ZNF69: variants seen among roughly 807,000 people sequenced by gnomAD.
ZNF69 encodes zinc finger protein 69.
Under a neutral mutation model 50.9 loss-of-function variants are expected in ZNF69, and 47 were observed. That is an observed-to-expected ratio of 0.92 (90% CI 0.73 to 1.18). The LOEUF (loss-of-function observed/expected upper bound fraction) is 1.18. Among genes scored for constraint, ZNF69 ranks in the 50% most tolerant of loss-of-function variants. The pLI is 0.00. For missense variants in ZNF69, 717 were observed against 675.1 expected (o/e 1.06, Z -0.69); for synonymous variants, 216 against 223.1 (o/e 0.97, Z 0.29).
the ZNF69 span, among the ~76,000 whole-genome samples, chr19:11,924,777 ACACTGAGTCTGAAATT>A: frequency 6.6e-6 from 1 of 152,080 alleles, no homozygotes; most frequent in African/African-American, 2.4e-5. Context: ...GCTCCTATGG[ACACTGAGTCTGAAATT>A]CCCTGCACAC....
chr19:11,942,630 G>A, the ZNF69 span, among the ~76,000 whole-genome samples: 82 of 152,312 alleles, frequency 5.4e-4, 1 homozygote, highest in South Asian at 1.5e-3. Flanking sequence ...TGAAAGGATC[G>A]TGATCAATTA....
chr19:11,895,890 G>A (rs550432600), intron 1 of ZNF69, among the ~76,000 whole-genome samples: 3 of 152,124 alleles, frequency 2.0e-5, no homozygotes, highest in East Asian at 3.9e-4. Flanking sequence ...TCATTGGCTG[G>A]CAATACCTGG....
the ZNF69 span, among the ~76,000 whole-genome samples, chr19:11,964,477 AGGTT>A: frequency 6.6e-6 from 1 of 152,354 alleles, no homozygotes; most frequent in African/African-American, 2.4e-5. Context: ...TTAGGTCAGA[AGGTT>A]AAATTAACCC....
At chr19:11,974,061 C>T in the ZNF69 span, among the ~76,000 whole-genome samples, 2,687 of 144,208 alleles carry the variant, frequency 0.019, 42 homozygotes, top group African/African-American at 0.027. Context: ...TCTTTCTTTC[C>T]TTCTTTCTTT....
the ZNF69 span, among the ~76,000 whole-genome samples, chr19:11,957,233 A>G: frequency 1.6e-4 from 24 of 151,538 alleles, no homozygotes; most frequent in African/African-American, 5.8e-4. Context: ...CTGGGACTAC[A>G]GGCGCCCGCC....
At chr19:11,962,726 A>G in the ZNF69 span, among the ~76,000 whole-genome samples, 1 of 152,184 alleles carries the variant, frequency 6.6e-6, no homozygotes, top group Non-Finnish European at 1.5e-5. Flanking sequence ...TAGAGCAGTT[A>G]ACCGGAACTA....
chr19:11,931,669 G>GTGAAATAT, the ZNF69 span, among the ~76,000 whole-genome samples: 1 of 147,868 alleles, frequency 6.8e-6, no homozygotes, highest in Non-Finnish European at 1.5e-5. Flanking sequence ...ATTTCAGAGA[G>GTGAAATAT]GTTACATCAT....
chr19:11,946,692 A>G, the ZNF69 span: 2 of 152,564 alleles, frequency 1.3e-5, no homozygotes, highest in Admixed American at 6.5e-5. Flanking sequence ...ACAAAGTTCT[A>G]AGTTTTCCTG....
At chr19:11,899,057 G>A (rs758556276) in intron 1 of ZNF69, among the ~76,000 whole-genome samples, 40 of 152,112 alleles carry the variant, frequency 2.6e-4, no homozygotes, top group Non-Finnish European at 3.7e-4. Flanking sequence ...ATACAGAAGC[G>A]TTTCACTGCC....
chr19:11,914,453 T>C (rs537852718), downstream of ZNF69: 1 of 152,362 alleles, frequency 6.6e-6, no homozygotes, highest in East Asian at 1.9e-4. Flanking sequence ...GAAAGTACCT[T>C]AGTTAAAACA....
the ZNF69 span, among the ~76,000 whole-genome samples, chr19:11,968,424 C>T: frequency 3.7e-4 from 56 of 151,980 alleles, 1 homozygote; most frequent in South Asian, 5.8e-3. Context: ...TTGTATTTTA[C>T]AGAGGTGGGG....
chr19:11,888,100 A>T, intron 1 of ZNF69, 114 bp downstream of exon 1: 2 of 1,002,098 alleles, frequency 2.0e-6, no homozygotes, highest in Non-Finnish European at 2.9e-6. Flanking sequence ...TCTGGGACCG[A>T]GTCCTCCTGG....
intron 1 of ZNF69, among the ~76,000 whole-genome samples, chr19:11,903,177 G>C (rs1051358448): frequency 1.3e-5 from 2 of 152,122 alleles, no homozygotes. Flanking sequence ...GCTCACGCCT[G>C]TAATCCCAGC....
At chr19:11,925,310 G>A in the ZNF69 span, 1 of 1,606,552 alleles carries the variant, frequency 6.2e-7, no homozygotes, top group Admixed American at 1.7e-5. Flanking sequence ...AGACGGGGGA[G>A]GGGCTGCCTG....
chr19:11,979,558 T>G, the ZNF69 span: 1 of 1,604,128 alleles, frequency 6.2e-7, no homozygotes, highest in Non-Finnish European at 8.5e-7. Flanking sequence ...GCAAGCAATG[T>G]GGTAAAGCCT....
chr19:11,928,270 A>G, the ZNF69 span, among the ~76,000 whole-genome samples: 1 of 152,118 alleles, frequency 6.6e-6, no homozygotes, highest in Non-Finnish European at 1.5e-5. Context: ...ACAGATACAG[A>G]TATCAGCCAC....
downstream of ZNF69, among the ~76,000 whole-genome samples, chr19:11,907,585 G>T (rs577705593): frequency 6.6e-6 from 1 of 152,250 alleles, no homozygotes; most frequent in South Asian, 2.1e-4. Context: ...AGCTTCATAA[G>T]TGAAGGAGAA....
chr19:11,925,327 G>A, the ZNF69 span: 7 of 1,600,796 alleles, frequency 4.4e-6, no homozygotes, highest in Non-Finnish European at 6.0e-6. Context: ...CCTGGAACAG[G>A]CGGGAACCGG....
At chr19:11,965,986 T>G in the ZNF69 span, among the ~76,000 whole-genome samples, 1 of 151,944 alleles carries the variant, frequency 6.6e-6, no homozygotes, top group African/African-American at 2.4e-5. Flanking sequence ...AGTGTGAAGT[T>G]TGTCTAAAGT....
Sources: gnomAD v4.1 joint callset for allele counts (sites outside exome capture counted in the v4.1 genomes callset) on GRCh38, gnomAD v4.1.1 for gene constraint, MANE v1.5 for transcripts, NCBI Gene and HGNC (gene_info 2026-07-23, HGNC 2026-07-21) for gene names.